RAB11FIP4: variants seen among roughly 807,000 people sequenced by gnomAD.
The protein encoded by RAB11FIP4 is rab11 family-interacting protein 4.
A neutral mutation model predicts 74.3 loss-of-function variants in RAB11FIP4; 23 were observed. The observed-to-expected ratio is 0.31, with a 90% CI of 0.22 to 0.44. The LOEUF is 0.44. Among genes scored for constraint, RAB11FIP4 ranks in the 20% least tolerant of loss-of-function variants. The pLI, the probability that RAB11FIP4 is intolerant of heterozygous loss-of-function variation, is 1.00. For synonymous variants in RAB11FIP4, 360 were observed against 359.9 expected, an observed-to-expected ratio of 1.00 and a Z score of 0.00; for missense variants, 630 against 863.9, an observed-to-expected ratio of 0.73 and a Z score of 3.39.
At chr17:31,430,950 G>T (rs2071304229) in intron 1 of RAB11FIP4, among the ~76,000 whole-genome samples, 1 of 152,106 alleles carries the variant, frequency 6.6e-6, no homozygotes, top group Non-Finnish European at 1.5e-5. Flanking sequence ...GGGTGGTATT[G>T]GAGGGGGTGA....
chr17:31,482,025 A>G (rs746349865), intron 3 of RAB11FIP4, among the ~76,000 whole-genome samples: 8 of 152,282 alleles, frequency 5.3e-5, no homozygotes, highest in Non-Finnish European at 1.0e-4. Context: ...CCACAGTCCA[A>G]GATCCTCTCC....
Position 31,480,681 on chromosome 17 carries a change from G to A in RAB11FIP4, c.337-36970G>A, listed in dbSNP as rs141068242. Among the ~76,000 whole-genome samples, 151 of 151,500 alleles carry A rather than the reference G, an allele frequency of 1.0e-3. 2 individuals are homozygous for A. The highest frequency in any genetic ancestry group is 3.5e-3 in the African/African-American group (146 of 41,250). ...CACGTGCCTGTGATCCCAGCTACTC[G>A]GGAGGCTGAGGCACGAGTATCGCTT... On this transcript the variant is annotated intron_variant, in intron 3 of 14. Coordinates refer to ENST00000621161, the MANE Select transcript of RAB11FIP4 (RefSeq NM_032932.6).
chr17:31,448,050 G>A (rs1001110931), intron 3 of RAB11FIP4, among the ~76,000 whole-genome samples: 4 of 151,816 alleles, frequency 2.6e-5, no homozygotes, highest in South Asian at 2.1e-4. Flanking sequence ...GGGCTGAAGC[G>A]ATCCACCTGT....
intron 1 of RAB11FIP4, among the ~76,000 whole-genome samples, chr17:31,419,636 C>T (rs536960536): frequency 1.7e-4 from 26 of 151,442 alleles, no homozygotes; most frequent in South Asian, 4.2e-4. Context: ...TTGCAAGCTC[C>T]GCCTCCCGGG....
intron 3 of RAB11FIP4, among the ~76,000 whole-genome samples, chr17:31,490,550 A>G (rs1444606513): frequency 6.6e-6 from 1 of 150,568 alleles, no homozygotes; most frequent in African/African-American, 2.5e-5. Context: ...AAAAGGAAGC[A>G]TCTTTTTTTT....
chr17:31,490,602 C>CTGGA (rs770558603), intron 3 of RAB11FIP4, among the ~76,000 whole-genome samples: 13 of 151,986 alleles, frequency 8.6e-5, no homozygotes, highest in Admixed American at 2.0e-4. Context: ...ATGGCCCAAG[C>CTGGA]TGGAGTCAAG....
chr17:31,523,205 C>T lies in RAB11FIP4; in HGVS notation c.930-307C>T, dbSNP rs573548971. On this transcript the variant is annotated intron_variant, in intron 7 of 14. Transcript: ENST00000621161. The stretch of plus-strand genomic sequence containing the variant: ...GAAGAGGAGGGGGCTCACGTGCCAG[C>T]TGAGGTCACTGGGTAGCTGCAGGCC... 3 of 421,222 alleles carry T rather than the reference C, an allele frequency of 7.1e-6. No individual in the cohort carries two copies. In the East Asian group the frequency reaches 1.3e-4, roughly 18 times the overall value. 26.1% of individuals were successfully genotyped at this position (421,222 alleles called of 1,614,324 possible).
chr17:31,487,924 C>A, intron 3 of RAB11FIP4: 2 of 547,746 alleles, frequency 3.7e-6, no homozygotes, highest in Non-Finnish European at 4.7e-6. Context: ...GGCCCCGCCC[C>A]GCGGCTCGGG....
intron 3 of RAB11FIP4, among the ~76,000 whole-genome samples, chr17:31,507,576 T>C (rs1372634713): frequency 6.6e-6 from 1 of 152,200 alleles, no homozygotes; most frequent in Non-Finnish European, 1.5e-5. Context: ...TTTGAGTTCC[T>C]TATGTATTCT....
At chr17:31,406,205 A>G (rs2071040029) in intron 1 of RAB11FIP4, among the ~76,000 whole-genome samples, 1 of 152,204 alleles carries the variant, frequency 6.6e-6, no homozygotes, top group Non-Finnish European at 1.5e-5. Context: ...CTGGAGGAGG[A>G]GTCCTGGGTA....
chr17:31,467,947 C>T (rs930174915), intron 3 of RAB11FIP4, among the ~76,000 whole-genome samples: 1 of 152,214 alleles, frequency 6.6e-6, no homozygotes, highest in African/African-American at 2.4e-5. Context: ...CCTGTTTGCC[C>T]TTGCCTGGTG....
At chr17:31,471,229 A>ATT (rs35208927) in intron 3 of RAB11FIP4, among the ~76,000 whole-genome samples, 199 of 139,908 alleles carry the variant, frequency 1.4e-3, no homozygotes, top group East Asian at 4.4e-3. Context: ...TGCCCAGCTA[A>ATT]TTTTTTTTTT....
In RAB11FIP4 at chr17:31,536,058, C is replaced by G. The variant is rs2072956471; in HGVS notation, c.*4326C>G. 6.7e-6 allele frequency: 1 copy of G among 149,844 alleles called. No individual in the cohort carries two copies. The highest frequency in any genetic ancestry group is 2.1e-4 in the South Asian group (1 of 4,744). 9.3% of individuals were successfully genotyped at this position (149,844 alleles called of 1,614,324 possible). ...GAGTTGGGGGGGGGGGGCGCGGGGA[C>G]AGAAGCGCGGGTTCTTGGTTCCAAT... On this transcript the variant is annotated 3_prime_UTR_variant, in exon 15 of 15. Coordinates refer to ENST00000621161, the MANE Select transcript of RAB11FIP4 (RefSeq NM_032932.6).
intron 3 of RAB11FIP4, chr17:31,501,831 C>A: frequency 6.1e-6 from 1 of 163,114 alleles, no homozygotes; most frequent in Admixed American, 6.3e-5. Flanking sequence ...TTATTAAGTA[C>A]TATGCTGAAA....
chr17:31,518,523 A>G (rs2072602803), intron 4 of RAB11FIP4: 1 of 152,452 alleles, frequency 6.6e-6, no homozygotes. Flanking sequence ...GCTCTAGTGC[A>G]CTATGCCGAT....
At chr17:31,527,715 T>C in intron 10 of RAB11FIP4, 127 bp from the exon 11 acceptor site, 1 of 660,800 alleles carries the variant, frequency 1.5e-6, no homozygotes, top group Non-Finnish European at 2.6e-6. Flanking sequence ...ATAATCATAT[T>C]CTTTCTCTCA....
chr17:31,466,123 G>A (rs916527115), intron 3 of RAB11FIP4, among the ~76,000 whole-genome samples: 5 of 152,200 alleles, frequency 3.3e-5, no homozygotes, highest in African/African-American at 1.2e-4. Context: ...CAGCTTGGGT[G>A]ACAGAGTGAG....
intron 3 of RAB11FIP4, among the ~76,000 whole-genome samples, chr17:31,441,026 G>A (rs1298540788): frequency 6.6e-6 from 1 of 151,714 alleles, no homozygotes. Flanking sequence ...TTCTTTTTTG[G>A]TTTTTTGGGT....
intron 3 of RAB11FIP4, among the ~76,000 whole-genome samples, chr17:31,435,650 C>G (rs1254237190): frequency 6.6e-6 from 1 of 152,238 alleles, no homozygotes; most frequent in African/African-American, 2.4e-5. Flanking sequence ...CCAGAGGCCA[C>G]TTTGGCTGAT....
Sources: gnomAD v4.1 joint callset for allele counts (sites outside exome capture counted in the v4.1 genomes callset) on GRCh38, gnomAD v4.1.1 for gene constraint, MANE v1.5 for transcripts, NCBI Gene and HGNC (gene_info 2026-07-23, HGNC 2026-07-21) for gene names.